Variants in SPATA31D3 observed in about 807,000 individuals in gnomAD.
SPATA31D3 encodes the protein SPATA31 subfamily D member 3.
For synonymous variants in SPATA31D3, 27 were observed against 107.8 expected (o/e 0.25, Z 4.65); for missense variants, 91 against 297.9 (o/e 0.31, Z 5.11).
chr9:81,949,679 A>C lies in SPATA31D3; in HGVS notation c.*1672A>C, dbSNP rs139573854. On this transcript the variant is annotated 3_prime_UTR_variant, in exon 4 of 4. Transcript: ENST00000445385. ...GTCAGAGCAGAGCCTGTCCAGGGCTATCCCTGCAACTACATGGCTCCCTCC... is the reference window on the plus strand; with the variant it reads ...GTCAGAGCAGAGCCTGTCCAGGGCTCTCCCTGCAACTACATGGCTCCCTCC... 118 of 1,238,838 alleles carry C rather than the reference A, an allele frequency of 9.5e-5. No homozygotes were observed. In the Admixed American group the frequency reaches 2.0e-3, roughly 21 times the overall value. The allele number at this position is 1,238,838 out of a possible 1,614,324, so 76.7% of individuals were successfully genotyped here.
In SPATA31D3 at chr9:81,949,569, A is replaced by T. The variant is rs1587488166; in HGVS notation, c.*1562A>T. ...TCATAGAAGAGAAGCTGGGGCATAGACATTGAATAGATATCACCTGTCCCC... is the reference window on the plus strand; with the variant it reads ...TCATAGAAGAGAAGCTGGGGCATAGTCATTGAATAGATATCACCTGTCCCC... On this transcript the variant is annotated 3_prime_UTR_variant, in exon 4 of 4. Transcript: ENST00000445385. The T allele has an allele frequency of 4.8e-6, 3 of 619,482 alleles. No homozygotes were observed. The highest frequency in any genetic ancestry group is 9.0e-6 in the Non-Finnish European group (3 of 332,402). The allele number at this position is 619,482 out of a possible 1,614,324, so 38.4% of individuals were successfully genotyped here.
At chr9:81,945,346 T>C (rs1389473288) in intron 3 of SPATA31D3, 114 bp downstream of exon 3, 1 of 404,764 alleles carries the variant, frequency 2.5e-6, no homozygotes, top group Admixed American at 4.7e-5. Context: ...AGGGATTCCT[T>C]GTAGCCTGCT....
In SPATA31D3 at chr9:81,949,718, G is replaced by A; in HGVS notation, c.*1711G>A. 1 of 1,408,126 alleles carries A rather than the reference G, an allele frequency of 7.1e-7. No individual in the cohort carries two copies. The highest frequency in any genetic ancestry group is 1.0e-6 in the Non-Finnish European group (1 of 997,790). 87.2% of individuals were successfully genotyped at this position (1,408,126 alleles called of 1,614,324 possible). A position where few individuals can be genotyped will look rare whatever the true frequency, so the allele number is the denominator to read the frequency against. ...ATGGCTCCCTCCTGCAAAGTGACATGTACCAAATCTTGCAGCCAACAAGCT... is the reference window on the plus strand; with the variant it reads ...ATGGCTCCCTCCTGCAAAGTGACATATACCAAATCTTGCAGCCAACAAGCT... On this transcript the variant is annotated 3_prime_UTR_variant, in exon 4 of 4. Coordinates refer to ENST00000445385, the MANE Select transcript of SPATA31D3 (RefSeq NM_207416.3).
chr9:81,949,737 A>T lies in SPATA31D3; in HGVS notation c.*1730A>T. The T allele has an allele frequency of 7.1e-7, 1 of 1,407,930 alleles. No homozygotes were observed. Among genetic ancestry groups the T allele is most frequent in the Non-Finnish European group, 1.0e-6 (1 of 997,316 alleles). 87.2% of individuals were successfully genotyped at this position (1,407,930 alleles called of 1,614,324 possible). A position where few individuals can be genotyped will look rare whatever the true frequency, so the allele number is the denominator to read the frequency against. On this transcript the variant is annotated 3_prime_UTR_variant, in exon 4 of 4. Transcript: ENST00000445385. ...TGACATGTACCAAATCTTGCAGCCA[A>T]CAAGCTATCTTTGTCGGCCAGAATT...
In SPATA31D3 at chr9:81,947,978, A is replaced by G. The variant is rs1334991586; in HGVS notation, c.2725A>G (p.Met909Val). The change falls in exon 4 of 4, where the codon ATG becomes GTG. Residue 909 changes from methionine to valine, a missense_variant. Transcript: ENST00000445385. ...MLEAHIKSFHMKPILNLSI is the reference protein window; with the variant it reads ...MLEAHIKSFHVKPILNLSI ...GGAAGCCCATATTAAATCTTTCCAT[A>G]TGAAGCCCATATTAAATCTTTCCAT... The G allele has an allele frequency of 6.4e-6, 10 of 1,553,532 alleles. No individual in the cohort carries two copies. The East Asian group carries it at 1.6e-4, about 25-fold the overall frequency.
Position 81,949,571 on chromosome 9 carries a change from AT to A in SPATA31D3, c.*1566del. 1.6e-6 allele frequency: 1 copy of A among 621,946 alleles called. No individual in the cohort carries two copies. Among genetic ancestry groups the A allele is most frequent in the Non-Finnish European group, 3.0e-6 (1 of 333,826 alleles). 38.5% of individuals were successfully genotyped at this position (621,946 alleles called of 1,614,324 possible). ...ATAGAAGAGAAGCTGGGGCATAGACATTGAATAGATATCACCTGTCCCCAGG... is the reference window on the plus strand; with the variant it reads ...ATAGAAGAGAAGCTGGGGCATAGACATGAATAGATATCACCTGTCCCCAGG... On this transcript the variant is annotated 3_prime_UTR_variant, in exon 4 of 4. Transcript: ENST00000445385.
rs960249541 is a variant in SPATA31D3, at chr9:81,949,864, C to T, written c.*1857C>T. Reference sequence around the variant, plus strand: ...TGTCAAAGGCATCCCCAATCCATGCCCCACAGGAAGCCTGTGCCACAGCCA... The same window carrying T: ...TGTCAAAGGCATCCCCAATCCATGCTCCACAGGAAGCCTGTGCCACAGCCA... On this transcript the variant is annotated 3_prime_UTR_variant, in exon 4 of 4. Coordinates refer to ENST00000445385, the MANE Select transcript of SPATA31D3 (RefSeq NM_207416.3). 2.3e-6 allele frequency: 2 copies of T among 866,624 alleles called. No homozygotes were observed. The highest frequency in any genetic ancestry group is 3.7e-6 in the Non-Finnish European group (2 of 537,008). The allele number at this position is 866,624 out of a possible 1,614,324, so 53.7% of individuals were successfully genotyped here. A position where few individuals can be genotyped will look rare whatever the true frequency, so the allele number is the denominator to read the frequency against.
chr9:81,947,554 G>C lies in SPATA31D3; in HGVS notation c.2301G>C (p.Gly767=), dbSNP rs1425721377. The change falls in exon 4 of 4, where the codon GGG becomes GGC. Residue 767 remains glycine, a synonymous_variant. Coordinates refer to ENST00000445385, the MANE Select transcript of SPATA31D3 (RefSeq NM_207416.3). ...SSNMLSMENV[G]NYQGCSQETA... is the part of the protein sequence containing the mutation. ...ATATGCTTTCCATGGAGAATGTGGGGAATTATCAGGGATGCAGCCAGGAGA... is the reference window on the plus strand; with the variant it reads ...ATATGCTTTCCATGGAGAATGTGGGCAATTATCAGGGATGCAGCCAGGAGA... The C allele has an allele frequency of 2.0e-6, 3 of 1,524,766 alleles. No homozygotes were observed. The allele number at this position is 1,524,766 out of a possible 1,614,324, so 94.5% of individuals were successfully genotyped here.
In SPATA31D3 at chr9:81,949,405, A is replaced by T. The variant is rs1477518262; in HGVS notation, c.*1398A>T. 2 of 371,168 alleles carry T rather than the reference A, an allele frequency of 5.4e-6. No individual in the cohort carries two copies. Among genetic ancestry groups the T allele is most frequent in the Admixed American group, 7.4e-5 (2 of 26,966 alleles). 23.0% of individuals were successfully genotyped at this position (371,168 alleles called of 1,614,324 possible). A position where few individuals can be genotyped will look rare whatever the true frequency, so the allele number is the denominator to read the frequency against. On this transcript the variant is annotated 3_prime_UTR_variant, in exon 4 of 4. Transcript: ENST00000445385. ...GCAGCAGTCTAATAAACCCATCATA[A>T]CATATGGAAAACAAGAAAGTTCCTA...
In SPATA31D3 at chr9:81,949,273, A is replaced by C. The variant is rs1823966582; in HGVS notation, c.*1266A>C. 2.6e-6 allele frequency: 1 copy of C among 380,038 alleles called. No individual in the cohort carries two copies. 23.5% of individuals were successfully genotyped at this position (380,038 alleles called of 1,614,324 possible). On this transcript the variant is annotated 3_prime_UTR_variant, in exon 4 of 4. Transcript: ENST00000445385. Reference sequence around the variant, plus strand: ...CCAACTCAGAAGAAAGAGCCATGCTATTCATAACAAGACATCAAGGGAGTC... The same window carrying C: ...CCAACTCAGAAGAAAGAGCCATGCTCTTCATAACAAGACATCAAGGGAGTC...
chr9:81,945,363 T>C (rs1823879534), intron 3 of SPATA31D3, 131 bp downstream of exon 3: 1 of 347,980 alleles, frequency 2.9e-6, no homozygotes, highest in Admixed American at 5.4e-5. Flanking sequence ...TGCTGTAGTT[T>C]TGGGAGTGGG....
chr9:81,949,958 T>C lies in SPATA31D3; in HGVS notation c.*1951T>C, dbSNP rs1824006738. 4 of 478,078 alleles carry C rather than the reference T, an allele frequency of 8.4e-6. No individual in the cohort carries two copies. Among genetic ancestry groups the C allele is most frequent in the Admixed American group, 7.0e-5 (2 of 28,750 alleles). 29.6% of individuals were successfully genotyped at this position (478,078 alleles called of 1,614,324 possible). ...CCTGACCAGTGCTAAAAACACTGTG[T>C]TCAGTGATGTGCCTTTACTAACTGG... On this transcript the variant is annotated 3_prime_UTR_variant, in exon 4 of 4. Coordinates refer to ENST00000445385, the MANE Select transcript of SPATA31D3 (RefSeq NM_207416.3).
In SPATA31D3 at chr9:81,949,630, T is replaced by C; in HGVS notation, c.*1623T>C. 2.4e-6 allele frequency: 2 copies of C among 829,408 alleles called. No individual in the cohort carries two copies. The highest frequency in any genetic ancestry group is 4.1e-6 in the Non-Finnish European group (2 of 488,244). 51.4% of individuals were successfully genotyped at this position (829,408 alleles called of 1,614,324 possible). ...TTCCTCCCCAGTGCAGCTTGGGAAA[T>C]CTCAGAATGTGCCAGAACTGCAGGT... On this transcript the variant is annotated 3_prime_UTR_variant, in exon 4 of 4. Transcript: ENST00000445385.
In SPATA31D3 at chr9:81,949,965, A is replaced by C; in HGVS notation, c.*1958A>C. Reference sequence around the variant, plus strand: ...AGTGCTAAAAACACTGTGTTCAGTGATGTGCCTTTACTAACTGGACAGAAA... The same window carrying C: ...AGTGCTAAAAACACTGTGTTCAGTGCTGTGCCTTTACTAACTGGACAGAAA... On this transcript the variant is annotated 3_prime_UTR_variant, in exon 4 of 4. Transcript: ENST00000445385. 4.5e-6 allele frequency: 2 copies of C among 449,010 alleles called. No homozygotes were observed. 27.8% of individuals were successfully genotyped at this position (449,010 alleles called of 1,614,324 possible).
chr9:81,947,723 G>T lies in SPATA31D3; in HGVS notation c.2470G>T (p.Glu824Ter), dbSNP rs1374132654. ...GGTGAGACTAGGTCAGAAACAACTT[G>T]AAAATGCCCTGACAGTACATTTGAG... Reference protein sequence around the residue: ...SGVRLGQKQLENALTVHLSKK... With the variant: ...SGVRLGQKQL The change falls in exon 4 of 4, where the codon GAA (glutamate) becomes TAA (stop). Residue 824 changes from glutamate to a stop codon, truncating the protein, a stop_gained. Coordinates refer to ENST00000445385, the MANE Select transcript of SPATA31D3 (RefSeq NM_207416.3). LOFTEE classifies it low-confidence loss of function (END_TRUNC). 6.3e-7 allele frequency: 1 copy of T among 1,598,890 alleles called. No individual in the cohort carries two copies. Among genetic ancestry groups the T allele is most frequent in the East Asian group, 2.3e-5 (1 of 43,668 alleles).
chr9:81,949,299 G>A lies in SPATA31D3; in HGVS notation c.*1292G>A, dbSNP rs148192526. On this transcript the variant is annotated 3_prime_UTR_variant, in exon 4 of 4. Coordinates refer to ENST00000445385, the MANE Select transcript of SPATA31D3 (RefSeq NM_207416.3). ...TTCATAACAAGACATCAAGGGAGTC[G>A]CTTGGGAGCAAATCTTCCCCAACCT... The A allele has an allele frequency of 8.7e-4, 318 of 363,586 alleles. 1 individual carries two copies. The highest frequency in any genetic ancestry group is 6.0e-3 in the African/African-American group (291 of 48,116). 22.5% of individuals were successfully genotyped at this position (363,586 alleles called of 1,614,324 possible).
rs1260746084 is a variant in SPATA31D3 at position 81,949,469 on chromosome 9, G to A, written c.*1462G>A. The A allele has an allele frequency of 2.1e-6, 1 of 477,402 alleles. No individual in the cohort carries two copies. The highest frequency in any genetic ancestry group is 4.0e-6 in the Non-Finnish European group (1 of 252,698). The allele number at this position is 477,402 out of a possible 1,614,324, so 29.6% of individuals were successfully genotyped here. ...TCCTTGTCATCATCTGTGCAGAATA[G>A]AGGTCGAGTTAAAAGTAGAGCTGTC... On this transcript the variant is annotated 3_prime_UTR_variant, in exon 4 of 4. Coordinates refer to ENST00000445385, the MANE Select transcript of SPATA31D3 (RefSeq NM_207416.3).
At chr9:81,945,285 T>TTTTTTTTTTTTTTTTTTTTTTTTG (rs1823872238) in intron 3 of SPATA31D3, 53 bp downstream of exon 3, 1 of 1,034,442 alleles carries the variant, frequency 9.7e-7, no homozygotes, top group Non-Finnish European at 1.3e-6. Context: ...TTTTTTTTTT[T>TTTTTTTTTTTTTTTTTTTTTTTTG]TTTTTTTTTT....
rs1424714709 is a variant in SPATA31D3 at position 81,949,987 on chromosome 9, G to C, written c.*1980G>C. On this transcript the variant is annotated 3_prime_UTR_variant, in exon 4 of 4. Transcript: ENST00000445385. Reference sequence around the variant, plus strand: ...GTGATGTGCCTTTACTAACTGGACAGAAAATACTTCCAAAGCATTTGCAGG... The same window carrying C: ...GTGATGTGCCTTTACTAACTGGACACAAAATACTTCCAAAGCATTTGCAGG... 5 of 385,956 alleles carry C rather than the reference G, an allele frequency of 1.3e-5. No individual in the cohort carries two copies. In the South Asian group the frequency reaches 1.9e-4, roughly 14 times the overall value. The allele number at this position is 385,956 out of a possible 1,614,324, so 23.9% of individuals were successfully genotyped here.
Sources: gnomAD v4.1 joint callset for allele counts on GRCh38, gnomAD v4.1.1 for gene constraint, MANE v1.5 for transcripts, NCBI Gene and HGNC (gene_info 2026-07-23, HGNC 2026-07-21) for gene names.